The following ZYG11A variants were observed in gnomAD, a reference collection of about 807,000 sequenced individuals.
ZYG11A encodes the protein protein zyg-11 homolog A.
ZYG11A carries 62 observed loss-of-function variants against 77.2 expected under a neutral mutation model. That is an observed-to-expected ratio of 0.80 (90% CI 0.65 to 0.99). ZYG11A has a LOEUF of 0.99. Ranked by LOEUF, ZYG11A falls within the 50% of genes least tolerant of loss-of-function variation. ZYG11A has a pLI of 0.00. For synonymous variants in ZYG11A, 315 were observed against 324.6 expected (o/e 0.97, Z 0.32); for missense variants, 828 against 896.8 (o/e 0.92, Z 0.98).
At chr1:52,875,809 G>A (rs1304594685) in intron 8 of ZYG11A, among the ~76,000 whole-genome samples, 1 of 151,464 alleles carries the variant, frequency 6.6e-6, no homozygotes, top group East Asian at 1.9e-4. Context: ...GCAAATGCAA[G>A]TAGGTTGGTA....
chr1:52,842,934 T>A lies in ZYG11A; in HGVS notation c.51T>A (p.Pro17=). 1.3e-6 allele frequency: 2 copies of A among 1,529,956 alleles called. No individual in the cohort carries two copies. Among genetic ancestry groups the A allele is most frequent in the Non-Finnish European group, 1.8e-6 (2 of 1,138,012 alleles). 94.8% of individuals were successfully genotyped at this position (1,529,956 alleles called of 1,614,324 possible). ...PGHTPRNIVP[P]DAQKDALGCC... is the part of the protein sequence containing the mutation. ...ACACGCCCCGGAACATCGTCCCTCCTGACGCTCAGAAGGATGCCCTGGGCT... is the reference window on the plus strand; with the variant it reads ...ACACGCCCCGGAACATCGTCCCTCCAGACGCTCAGAAGGATGCCCTGGGCT... Residue 17 remains proline (P), a synonymous_variant, in exon 1 of 14, where the codon CCT becomes CCA. Transcript: ENST00000371528.
In ZYG11A at chr1:52,884,255, G is replaced by A. The variant is rs966141650; in HGVS notation, c.1945-1578G>A. On this transcript the variant is annotated intron_variant, in intron 11 of 13. Coordinates refer to ENST00000371528, the MANE Select transcript of ZYG11A (RefSeq NM_001004339.3). ...CTCACGCCTGTAATCCCAGCACTTT[G>A]GGAGGCCGAGGCGGGCAGATCATGA... 2.0e-5 allele frequency among the ~76,000 whole-genome samples: 3 copies of A among 151,968 alleles called. No homozygotes were observed. The South Asian group carries it at 6.2e-4, about 32-fold the overall frequency.
chr1:52,848,353 G>A (rs1174891390), intron 1 of ZYG11A, among the ~76,000 whole-genome samples: 1 of 151,818 alleles, frequency 6.6e-6, no homozygotes, highest in Admixed American at 6.6e-5. Flanking sequence ...TTTTTCTTCT[G>A]TGTCCACTCC....
chr1:52,861,990 C>T (rs1477480009), intron 4 of ZYG11A, among the ~76,000 whole-genome samples: 1 of 152,014 alleles, frequency 6.6e-6, no homozygotes, highest in Non-Finnish European at 1.5e-5. Flanking sequence ...GTGGACAGAT[C>T]ACCTGAGGTC....
chr1:52,867,766 A>C lies in ZYG11A; in HGVS notation c.1531A>C (p.Met511Leu). ...EQTAQLEELF[M>L]AVKELLAIVK... ...AACGGCACAGCTTGAAGAGCTTTTC[A>C]TGGCAGTTAAGGTAGGTTCCTTGTC... The change falls in exon 8 of 14, where the codon ATG (methionine) becomes CTG (leucine). Residue 511 changes from methionine to leucine, a missense_variant. Physicochemically the swap from Met to Leu is conservative, Grantham distance 15 (BLOSUM62 2). Coordinates refer to ENST00000371528, the MANE Select transcript of ZYG11A (RefSeq NM_001004339.3). The C allele has an allele frequency of 6.4e-7, 1 of 1,551,400 alleles. No homozygotes were observed. Among genetic ancestry groups the C allele is most frequent in the Non-Finnish European group, 8.7e-7 (1 of 1,146,950 alleles).
intron 11 of ZYG11A, among the ~76,000 whole-genome samples, chr1:52,882,441 G>A (rs756104975): frequency 3.3e-5 from 5 of 152,112 alleles, no homozygotes; most frequent in Non-Finnish European, 5.9e-5. Context: ...CGTATATGGT[G>A]GACTGCTGTC....
intron 13 of ZYG11A, among the ~76,000 whole-genome samples, chr1:52,887,467 C>T (rs1025985612): frequency 6.6e-6 from 1 of 152,172 alleles, no homozygotes; most frequent in Non-Finnish European, 1.5e-5. Context: ...TGCTGACACT[C>T]TTCCTTTAGT....
chr1:52,869,982 C>G (rs1646120778), intron 8 of ZYG11A, among the ~76,000 whole-genome samples: 1 of 151,238 alleles, frequency 6.6e-6, no homozygotes. Context: ...CCACCCCCCT[C>G]CCGGGCGGGG....
intron 10 of ZYG11A, among the ~76,000 whole-genome samples, chr1:52,880,638 A>C (rs1366009555): frequency 6.6e-6 from 1 of 152,168 alleles, no homozygotes; most frequent in African/African-American, 2.4e-5. Context: ...GCCCTGAAGG[A>C]GCAAACAGTC....
At chr1:52,860,214 A>G (rs1645901182) in intron 3 of ZYG11A, among the ~76,000 whole-genome samples, 1 of 151,984 alleles carries the variant, frequency 6.6e-6, no homozygotes, top group African/African-American at 2.4e-5. Context: ...GTTGAGTCTC[A>G]TGTTGTTTTA....
chr1:52,845,040 CTT>C (rs754781786), intron 1 of ZYG11A, among the ~76,000 whole-genome samples: 1 of 151,960 alleles, frequency 6.6e-6, no homozygotes, highest in Non-Finnish European at 1.5e-5. Flanking sequence ...CCTCCCATAT[CTT>C]TTCAATTTTT....
chr1:52,854,073 T>C (rs1645763326), intron 1 of ZYG11A, among the ~76,000 whole-genome samples: 1 of 152,146 alleles, frequency 6.6e-6, no homozygotes, highest in Non-Finnish European at 1.5e-5. Context: ...ATGTAAACAA[T>C]ACAGTATAAA....
At chr1:52,878,661 A>G (rs1041269634) in intron 10 of ZYG11A, among the ~76,000 whole-genome samples, 1 of 152,110 alleles carries the variant, frequency 6.6e-6, no homozygotes, top group African/African-American at 2.4e-5. Flanking sequence ...AAACTCGGCC[A>G]GGCACGGTGG....
intron 13 of ZYG11A, among the ~76,000 whole-genome samples, chr1:52,891,252 T>A (rs1646537693): frequency 6.6e-6 from 1 of 151,968 alleles, no homozygotes; most frequent in Admixed American, 6.6e-5. Context: ...GATACATTTT[T>A]AAATGTCTGA....
chr1:52,875,316 G>C (rs1264276880), intron 8 of ZYG11A, among the ~76,000 whole-genome samples: 2 of 152,182 alleles, frequency 1.3e-5, no homozygotes, highest in African/African-American at 4.8e-5. Flanking sequence ...GTGAGAAATG[G>C]ATGTAACTTT....
chr1:52,868,472 A>G (rs75013697), intron 8 of ZYG11A, among the ~76,000 whole-genome samples: 143 of 152,286 alleles, frequency 9.4e-4, no homozygotes, highest in Non-Finnish European at 1.7e-3. Flanking sequence ...TTGTGTTAAC[A>G]TCGTTCACTA....
intron 11 of ZYG11A, among the ~76,000 whole-genome samples, chr1:52,883,438 AT>A (rs879663007): frequency 0.018 from 2,572 of 140,976 alleles, 38 homozygotes; most frequent in Non-Finnish European, 0.024. Context: ...TAAAAAAAAG[AT>A]TTTTTTTTTT....
chr1:52,845,689 T>A (rs919147404), intron 1 of ZYG11A, among the ~76,000 whole-genome samples: 7 of 151,906 alleles, frequency 4.6e-5, no homozygotes, highest in East Asian at 1.9e-4. Flanking sequence ...TTAATTTTTT[T>A]AATTAAAAAT....
chr1:52,886,401 C>T (rs937141537), intron 12 of ZYG11A, among the ~76,000 whole-genome samples: 8 of 152,238 alleles, frequency 5.3e-5, no homozygotes, highest in South Asian at 2.1e-4. Flanking sequence ...ATTGAGGATG[C>T]AATGAGATAC....
Sources: gnomAD v4.1 joint callset for allele counts (sites outside exome capture counted in the v4.1 genomes callset) on GRCh38, gnomAD v4.1.1 for gene constraint, MANE v1.5 for transcripts, NCBI Gene and HGNC (gene_info 2026-07-23, HGNC 2026-07-21) for gene names.